The following XXYLT1 variants were observed in gnomAD, a reference collection of about 807,000 sequenced individuals.
XXYLT1 encodes xyloside xylosyltransferase 1, also known as UDP-xylose:alpha-xyloside alpha-1,3-xylosyltransferase.
Under a neutral mutation model 28.9 loss-of-function variants are expected in XXYLT1, and 20 were observed. That is an observed-to-expected ratio of 0.69 (90% confidence interval 0.49 to 1.00). The LOEUF is 1.00. XXYLT1 is among the 50% of genes least tolerant of loss of function. The pLI is 0.00. For missense variants in XXYLT1, 542 were observed against 560.1 expected, an observed-to-expected ratio of 0.97 and a Z score of 0.33; for synonymous variants, 257 against 253.8, an observed-to-expected ratio of 1.01 and a Z score of -0.12.
At chr3:195,192,827 G>A (rs1000375371) in intron 2 of XXYLT1, among the ~76,000 whole-genome samples, 4 of 152,094 alleles carry the variant, frequency 2.6e-5, no homozygotes, top group African/African-American at 9.7e-5. Context: ...GCATCAGATT[G>A]GAAAGGAAGA....
chr3:195,132,365 G>C (rs1307017549), intron 3 of XXYLT1, among the ~76,000 whole-genome samples: 1 of 152,048 alleles, frequency 6.6e-6, no homozygotes, highest in Non-Finnish European at 1.5e-5. Flanking sequence ...TACTCGGGAG[G>C]CTGAGGCAGG....
At chr3:195,085,917 T>C (rs1715701812) in intron 3 of XXYLT1, 1 of 152,156 alleles carries the variant, frequency 6.6e-6, no homozygotes, top group Non-Finnish European at 1.5e-5. Flanking sequence ...TCCTCTGTGC[T>C]GTCAGGCCTT....
chr3:195,070,219 G>A (rs781226730), intron 3 of XXYLT1, 108 bp from the exon 4 acceptor site: 65 of 1,399,470 alleles, frequency 4.6e-5, no homozygotes, highest in South Asian at 1.0e-4. Context: ...GCCACATTCC[G>A]GGGTGCAGAA....
intron 2 of XXYLT1, chr3:195,207,318 G>A (rs1037388021): frequency 2.2e-5 from 8 of 365,730 alleles, no homozygotes; most frequent in Admixed American, 1.4e-4. Flanking sequence ...GATGCCACAC[G>A]TCTGGCTGGG....
chr3:195,130,016 A>G (rs1718824931), intron 3 of XXYLT1, among the ~76,000 whole-genome samples: 1 of 152,112 alleles, frequency 6.6e-6, no homozygotes, highest in Non-Finnish European at 1.5e-5. Flanking sequence ...TGACCAGTGG[A>G]TATGAACTGG....
At chr3:195,159,537 A>T (rs1302043692) in intron 2 of XXYLT1, among the ~76,000 whole-genome samples, 1 of 152,186 alleles carries the variant, frequency 6.6e-6, no homozygotes, top group African/African-American at 2.4e-5. Context: ...ACCCAACACA[A>T]CTAGCTCGTG....
intron 2 of XXYLT1, 139 bp from the exon 3 acceptor site, chr3:195,156,720 G>T: frequency 1.8e-6 from 2 of 1,122,432 alleles, no homozygotes; most frequent in Non-Finnish European, 2.5e-6. Context: ...AGTTACCGCT[G>T]GAACAAAAGG....
At chr3:195,103,740 A>G (rs189303131) in intron 3 of XXYLT1, among the ~76,000 whole-genome samples, 7 of 151,960 alleles carry the variant, frequency 4.6e-5, no homozygotes, top group East Asian at 1.9e-4. Context: ...GAAACTAGGG[A>G]AAAAAAAATT....
chr3:195,113,742 C>A (rs1560103463), intron 3 of XXYLT1, among the ~76,000 whole-genome samples: 1 of 152,110 alleles, frequency 6.6e-6, no homozygotes, highest in African/African-American at 2.4e-5. Flanking sequence ...ACCCACAGGA[C>A]CAGGCAAAGA....
intron 2 of XXYLT1, among the ~76,000 whole-genome samples, chr3:195,205,208 T>G (rs1723019312): frequency 1.3e-5 from 2 of 152,210 alleles, no homozygotes; most frequent in Admixed American, 6.5e-5. Flanking sequence ...AAATAAAAAT[T>G]TATGTCCATA....
chr3:195,071,444 T>A (rs1714804113), intron 3 of XXYLT1, among the ~76,000 whole-genome samples: 1 of 152,168 alleles, frequency 6.6e-6, no homozygotes, highest in South Asian at 2.1e-4. Context: ...CGGAGGAACC[T>A]TCCTCAAGGT....
At position 195,180,915 on chromosome 3, in the gene XXYLT1, G is replaced by A. The variant is rs200810922; in HGVS notation, c.653-24334C>T. Reference sequence around the variant, plus strand: ...AAGTGGTATGGTTCATCCCTTCTTGGCTAATGAGGTTTGACCACAAACCAA... The same window carrying A: ...AAGTGGTATGGTTCATCCCTTCTTGACTAATGAGGTTTGACCACAAACCAA... On this transcript the variant is annotated intron_variant, in intron 2 of 3. Transcript: ENST00000310380. This position sits in a 1 kb window ranked among gnomAD's most constrained non-coding sequence, Gnocchi z 5.8. Among the ~76,000 whole-genome samples, 1 of 152,166 alleles carries A rather than the reference G, an allele frequency of 6.6e-6. No homozygotes were observed. Among genetic ancestry groups the A allele is most frequent in the Non-Finnish European group, 1.5e-5 (1 of 68,036 alleles).
At chr3:195,143,886 A>ATATATATT (rs1719687117) in intron 3 of XXYLT1, among the ~76,000 whole-genome samples, 1 of 116,852 alleles carries the variant, frequency 8.6e-6, no homozygotes, top group African/African-American at 3.5e-5. Context: ...ATATATATAT[A>ATATATATT]TATTTATTTT....
chr3:195,074,590 T>G (rs1270650669), intron 3 of XXYLT1, among the ~76,000 whole-genome samples: 1 of 152,170 alleles, frequency 6.6e-6, no homozygotes, highest in Non-Finnish European at 1.5e-5. Context: ...CCAGGTCCTC[T>G]GGGGTGATCC....
chr3:195,153,872 C>A (rs1415915814), intron 3 of XXYLT1: 1 of 152,252 alleles, frequency 6.6e-6, no homozygotes, highest in East Asian at 1.9e-4. Flanking sequence ...TCTCCCCGAT[C>A]CCTGAAGAGC....
intron 2 of XXYLT1, among the ~76,000 whole-genome samples, chr3:195,225,302 G>A (rs1370386485): frequency 6.6e-6 from 1 of 152,184 alleles, no homozygotes. Flanking sequence ...CAACAAAGAG[G>A]ACACTCAGAG....
intron 2 of XXYLT1, among the ~76,000 whole-genome samples, chr3:195,166,135 C>T (rs114178843): frequency 0.013 from 2,015 of 152,042 alleles, 34 homozygotes; most frequent in African/African-American, 0.044. Flanking sequence ...GAGCAGAAGT[C>T]CCCACACATT....
At chr3:195,196,623 G>A (rs1176939169) in intron 2 of XXYLT1, among the ~76,000 whole-genome samples, 1 of 152,218 alleles carries the variant, frequency 6.6e-6, no homozygotes, top group Non-Finnish European at 1.5e-5. Context: ...AGGGAGAAAG[G>A]AGGCCTCTGC....
chr3:195,159,247 A>T (rs1285441202), intron 2 of XXYLT1, among the ~76,000 whole-genome samples: 1 of 152,180 alleles, frequency 6.6e-6, no homozygotes, highest in African/African-American at 2.4e-5. Flanking sequence ...CAACAAAAAG[A>T]ATGGCATGGC....
Sources: allele counts gnomAD v4.1 joint callset (sites outside exome capture counted in the v4.1 genomes callset), GRCh38; gene constraint gnomAD v4.1.1; non-coding constraint Gnocchi (gnomAD v3.1); transcripts MANE v1.5; gene names NCBI Gene and HGNC (gene_info 2026-07-23, HGNC 2026-07-21).